RIC8B: variants seen among roughly 807,000 people sequenced by gnomAD.
The protein encoded by RIC8B is RIC8 guanine nucleotide exchange factor B.
Under a neutral mutation model 57.5 loss-of-function variants are expected in RIC8B, and 16 were observed. That is an observed-to-expected ratio of 0.28 (90% confidence interval 0.19 to 0.42). The LOEUF (loss-of-function observed/expected upper bound fraction) is 0.42, where lower values mean the gene tolerates loss of function less well. Among genes scored for constraint, RIC8B ranks in the 10% least tolerant of loss-of-function variants. The probability of loss-of-function intolerance (pLI) is 1.00; values close to 1 mark genes in which losing one functional copy is unlikely to be tolerated. For missense variants in RIC8B, 481 were observed against 677.0 expected, an observed-to-expected ratio of 0.71 and a Z score of 3.21; for synonymous variants, 216 against 250.8, an observed-to-expected ratio of 0.86 and a Z score of 1.31.
chr12:106,881,470 A>G (rs1049380953), intron 9 of RIC8B, among the ~76,000 whole-genome samples: 1 of 151,386 alleles, frequency 6.6e-6, no homozygotes, highest in African/African-American at 2.4e-5. Context: ...CTGTGAATCC[A>G]TGTCCATCAC....
At chr12:106,849,195 G>T (rs577310221) in intron 6 of RIC8B, among the ~76,000 whole-genome samples, 1 of 151,658 alleles carries the variant, frequency 6.6e-6, no homozygotes, top group East Asian at 1.9e-4. Context: ...ATTATGTATG[G>T]TATACCTGTA....
chr12:106,838,653 A>G (rs187302968), intron 4 of RIC8B, among the ~76,000 whole-genome samples: 49 of 152,292 alleles, frequency 3.2e-4, no homozygotes, highest in East Asian at 9.6e-4. Context: ...CCAAAAGCAC[A>G]GGCAACAAAA....
chr12:106,878,486 C>G (rs1950773311), intron 9 of RIC8B, among the ~76,000 whole-genome samples: 1 of 152,106 alleles, frequency 6.6e-6, no homozygotes, highest in South Asian at 2.1e-4. Context: ...ATCACAGGCT[C>G]CATCCATTTT....
intron 4 of RIC8B, among the ~76,000 whole-genome samples, chr12:106,832,753 A>T (rs2046411168): frequency 6.6e-6 from 1 of 152,176 alleles, no homozygotes; most frequent in East Asian, 1.9e-4. Context: ...GTCAAGCAGG[A>T]TCGTTCTTAA....
intron 1 of RIC8B, among the ~76,000 whole-genome samples, chr12:106,780,999 C>G (rs750683494): frequency 5.3e-5 from 8 of 152,212 alleles, no homozygotes; most frequent in Non-Finnish European, 1.0e-4. Context: ...TTGTCTGACT[C>G]CTGATCCTGA....
chr12:106,868,153 T>C, intron 8 of RIC8B: 1 of 336,056 alleles, frequency 3.0e-6, no homozygotes, highest in Non-Finnish European at 6.0e-6. Context: ...ATTCATATAG[T>C]GACTTTGTAT....
intron 6 of RIC8B, among the ~76,000 whole-genome samples, chr12:106,848,977 G>A (rs1259775135): frequency 2.0e-5 from 3 of 152,164 alleles, no homozygotes; most frequent in African/African-American, 4.8e-5. Flanking sequence ...AGGATAATGG[G>A]GGAGTGGCGG....
intron 9 of RIC8B, among the ~76,000 whole-genome samples, chr12:106,875,911 T>C (rs1950640930): frequency 6.6e-6 from 1 of 152,154 alleles, no homozygotes; most frequent in Non-Finnish European, 1.5e-5. Context: ...AAGGCTGAGA[T>C]AGGTAGTTTA....
chr12:106,886,232 G>C lies in RIC8B; in HGVS notation c.*217G>C, dbSNP rs1376228267. ...GCTGCAGTTAGACGGGGTTACGGGG[G>C]CTAAAAGCAGAAAAAAAATTCCATT... On this transcript the variant is annotated 3_prime_UTR_variant, in exon 10 of 10. Coordinates refer to ENST00000392837, the MANE Select transcript of RIC8B (RefSeq NM_001330145.2). 3 of 445,404 alleles carry C rather than the reference G, an allele frequency of 6.7e-6. No homozygotes were observed. The East Asian group carries it at 1.1e-4, about 16-fold the overall frequency. 27.6% of individuals were successfully genotyped at this position (445,404 alleles called of 1,614,324 possible).
chr12:106,882,261 C>G (rs1280098117), intron 9 of RIC8B, among the ~76,000 whole-genome samples: 8 of 152,104 alleles, frequency 5.3e-5, no homozygotes, highest in African/African-American at 1.9e-4. Flanking sequence ...TAGCCTTTTG[C>G]CCTCATCACA....
chr12:106,841,491 G>A (rs1334039121), intron 4 of RIC8B, among the ~76,000 whole-genome samples: 1 of 152,036 alleles, frequency 6.6e-6, no homozygotes, highest in African/African-American at 2.4e-5. Context: ...ATTTTTTAGG[G>A]TGTCACTATA....
intron 4 of RIC8B, among the ~76,000 whole-genome samples, chr12:106,842,376 A>G (rs1948987623): frequency 6.6e-6 from 1 of 152,018 alleles, no homozygotes; most frequent in African/African-American, 2.4e-5. Context: ...TCTATTCAAC[A>G]TTTGTTTTTT....
intron 2 of RIC8B, among the ~76,000 whole-genome samples, chr12:106,790,496 C>G (rs928328113): frequency 2.0e-5 from 3 of 152,182 alleles, no homozygotes; most frequent in Non-Finnish European, 4.4e-5. Flanking sequence ...TTTATTGAAG[C>G]ATTTGCTTTA....
intron 2 of RIC8B, among the ~76,000 whole-genome samples, chr12:106,798,272 A>T (rs1472142214): frequency 6.6e-6 from 1 of 152,082 alleles, no homozygotes; most frequent in African/African-American, 2.4e-5. Flanking sequence ...AAATTTGTAC[A>T]TCTTTGATGT....
chr12:106,837,684 C>G (rs1359138201), intron 4 of RIC8B, among the ~76,000 whole-genome samples: 1 of 147,894 alleles, frequency 6.8e-6, no homozygotes, highest in Non-Finnish European at 1.5e-5. Context: ...CTGTGTTGCC[C>G]AGGCTGGAGT....
At chr12:106,808,100 A>T (rs1009290204) in intron 2 of RIC8B, among the ~76,000 whole-genome samples, 3 of 151,928 alleles carry the variant, frequency 2.0e-5, no homozygotes, top group Non-Finnish European at 4.4e-5. Context: ...AAAAAAAAAA[A>T]ATTAGGGGAA....
At chr12:106,877,445 G>T (rs1197022673) in intron 9 of RIC8B, among the ~76,000 whole-genome samples, 1 of 152,132 alleles carries the variant, frequency 6.6e-6, no homozygotes, top group East Asian at 1.9e-4. Flanking sequence ...CTTTAGAAGA[G>T]AACTAAGATT....
At chr12:106,877,802 TATGAG>T (rs1430114431) in intron 9 of RIC8B, among the ~76,000 whole-genome samples, 5 of 152,140 alleles carry the variant, frequency 3.3e-5, no homozygotes, top group African/African-American at 1.2e-4. Flanking sequence ...CTTGAAACAT[TATGAG>T]ATGTTTTTGC....
intron 2 of RIC8B, among the ~76,000 whole-genome samples, chr12:106,809,259 C>T (rs1429889104): frequency 6.6e-6 from 1 of 152,148 alleles, no homozygotes; most frequent in East Asian, 1.9e-4. Context: ...CATGGTGGCT[C>T]AGGCCTGTAA....
Sources: gnomAD v4.1 joint callset for allele counts (sites outside exome capture counted in the v4.1 genomes callset) on GRCh38, gnomAD v4.1.1 for gene constraint, MANE v1.5 for transcripts, NCBI Gene and HGNC (gene_info 2026-07-23, HGNC 2026-07-21) for gene names.